PTPRN2: variants seen among roughly 807,000 people sequenced by gnomAD.
PTPRN2 encodes protein tyrosine phosphatase receptor type N2.
PTPRN2 carries 74 observed loss-of-function variants against 118.8 expected under a neutral mutation model. The ratio of observed to expected loss-of-function variants is 0.62; its 90% CI spans 0.52 to 0.76. The LOEUF (loss-of-function observed/expected upper bound fraction) is 0.76. Among genes scored for constraint, PTPRN2 ranks in the 30% least tolerant of loss-of-function variants. The pLI, the probability that PTPRN2 is intolerant of heterozygous loss-of-function variation, is 0.00. For synonymous variants in PTPRN2, 641 were observed against 608.0 expected (o/e 1.05, Z -0.80); for missense variants, 1,481 against 1,394.4 (o/e 1.06, Z -0.99).
chr7:158,579,757 G>A (rs528469990), intron 1 of PTPRN2, among the ~76,000 whole-genome samples: 5 of 152,250 alleles, frequency 3.3e-5, no homozygotes, highest in Admixed American at 1.3e-4. Flanking sequence ...CAGTGAAAAA[G>A]CCCCATTTCT....
At position 158,507,792 on chromosome 7, in the gene PTPRN2, G is replaced by A. The variant is rs192949959; in HGVS notation, c.113-18007C>T. Among the ~76,000 whole-genome samples, 1,497 of 151,552 alleles carry A rather than the reference G, an allele frequency of 9.9e-3. 20 individuals carry two copies. The highest frequency in any genetic ancestry group is 0.027 in the Middle Eastern group (8 of 292). Reference sequence around the variant, plus strand: ...CAGAGGTCAGTGAGGACCATCCAGGGAACAGCCTCTGCAACAGGCAGTGGA... The same window carrying A: ...CAGAGGTCAGTGAGGACCATCCAGGAAACAGCCTCTGCAACAGGCAGTGGA... On this transcript the variant is annotated intron_variant, in intron 1 of 22. Coordinates refer to ENST00000389418, the MANE Select transcript of PTPRN2 (RefSeq NM_002847.5).
intron 12 of PTPRN2, among the ~76,000 whole-genome samples, chr7:157,850,334 C>A (rs1397665244): frequency 6.9e-6 from 1 of 143,958 alleles, no homozygotes; most frequent in Non-Finnish European, 1.5e-5. Flanking sequence ...GACGTGGGTG[C>A]CTCAGGCTCG....
intron 3 of PTPRN2, among the ~76,000 whole-genome samples, chr7:158,267,088 C>T (rs1371461877): frequency 5.9e-5 from 9 of 152,252 alleles, no homozygotes; most frequent in Non-Finnish European, 4.4e-5. Context: ...CCCACACCCG[C>T]GGCAGGTCCC....
chr7:158,391,937 C>T (rs1027845427), intron 2 of PTPRN2, among the ~76,000 whole-genome samples: 1 of 152,224 alleles, frequency 6.6e-6, no homozygotes, highest in Non-Finnish European at 1.5e-5. Context: ...ACCTTTGAGA[C>T]AGGGAGCCCG....
At position 157,618,002 on chromosome 7, in the gene PTPRN2, C is replaced by A. The variant is rs895214243; in HGVS notation, c.2344+3360G>T. On this transcript the variant is annotated intron_variant, in intron 15 of 22. Transcript: ENST00000389418. The surrounding 1 kb of genome is among the most constrained non-coding windows in gnomAD (Gnocchi z 4.2). ...GCTGCATAATTCTTTTTTAAACATT[C>A]AAAAAACAGAAAATGCATGTTAAGT... The A allele has an allele frequency of 1.3e-5, 2 of 152,200 alleles. No individual in the cohort carries two copies. The highest frequency in any genetic ancestry group is 4.8e-5 in the African/African-American group (2 of 41,456). 9.4% of individuals were successfully genotyped at this position (152,200 alleles called of 1,614,324 possible). A position where few individuals can be genotyped will look rare whatever the true frequency, so the allele number is the denominator to read the frequency against.
chr7:158,153,436 T>C (rs531336163), intron 6 of PTPRN2, among the ~76,000 whole-genome samples: 4 of 152,240 alleles, frequency 2.6e-5, no homozygotes, highest in East Asian at 1.9e-4. Context: ...CTGTAACACA[T>C]GCCCACTGGG....
chr7:158,012,643 C>T (rs796928145), intron 11 of PTPRN2, among the ~76,000 whole-genome samples: 31 of 152,278 alleles, frequency 2.0e-4, no homozygotes, highest in East Asian at 9.7e-4. Context: ...GCAGGCAGGT[C>T]GGGGCTAATA....
Position 158,546,947 on chromosome 7 carries a change from C to T in PTPRN2, c.112+40611G>A, listed in dbSNP as rs927878733. Among the ~76,000 whole-genome samples, 1 of 152,088 alleles carries T rather than the reference C, an allele frequency of 6.6e-6. No individual in the cohort carries two copies. Among genetic ancestry groups the T allele is most frequent in the African/African-American group, 2.4e-5 (1 of 41,418 alleles). On this transcript the variant is annotated intron_variant, in intron 1 of 22. Transcript: ENST00000389418. The surrounding 1 kb of genome is among the most constrained non-coding windows in gnomAD (Gnocchi z 5.0). ...GGGACAGCCCAGCCATCTTCAGGGC[C>T]CCAGGTGAGGCCACAGCCAGCCCAT...
rs542231641 is a variant in PTPRN2 at position 158,215,150 on chromosome 7, A to T, written c.278-9877T>A. On this transcript the variant is annotated intron_variant, in intron 3 of 22. Transcript: ENST00000389418. ...CACTTGAAACAAATGAAAAAGTAGG[A>T]TGTCTCAGAAAATAGATGATGTAAA... is the stretch of plus-strand genomic sequence containing the variant. 4.6e-5 allele frequency among the ~76,000 whole-genome samples: 7 copies of T among 152,222 alleles called. No homozygotes were observed. In the East Asian group the frequency reaches 1.3e-3, roughly 29 times the overall value.
intron 1 of PTPRN2, among the ~76,000 whole-genome samples, chr7:158,490,011 A>T (rs1563352198): frequency 6.6e-6 from 1 of 152,112 alleles, no homozygotes; most frequent in Non-Finnish European, 1.5e-5. Context: ...CCCAGCTCTC[A>T]CCTGGACCAG....
intron 21 of PTPRN2, among the ~76,000 whole-genome samples, chr7:157,566,776 CA>C (rs1554493549): frequency 6.6e-6 from 1 of 152,234 alleles, no homozygotes; most frequent in Non-Finnish European, 1.5e-5. Flanking sequence ...GTCTCGAACC[CA>C]GGACATACTT....
At chr7:158,146,540 T>C in intron 6 of PTPRN2, among the ~76,000 whole-genome samples, 2 of 151,826 alleles carry the variant, frequency 1.3e-5, no homozygotes, top group East Asian at 3.9e-4. Context: ...ACTAACATGG[T>C]GAAACCCCAT....
At chr7:158,002,749 A>G (rs1319366088) in intron 11 of PTPRN2, among the ~76,000 whole-genome samples, 2 of 152,282 alleles carry the variant, frequency 1.3e-5, no homozygotes, top group African/African-American at 4.8e-5. Context: ...CAGCGAGAGA[A>G]ATGGACTTGC....
chr7:158,329,892 A>AC (rs897574581), intron 2 of PTPRN2, among the ~76,000 whole-genome samples: 2 of 152,098 alleles, frequency 1.3e-5, no homozygotes, highest in African/African-American at 4.8e-5. Flanking sequence ...AAATGCGGTC[A>AC]CCATAGCTAC....
rs573382032 is a variant in PTPRN2 at position 158,353,870 on chromosome 7, G to A, written c.164-36938C>T. Among the ~76,000 whole-genome samples the A allele has an allele frequency of 2.6e-5, 4 of 152,306 alleles. No homozygotes were observed. In the South Asian group the frequency reaches 8.3e-4, roughly 32 times the overall value. On this transcript the variant is annotated intron_variant, in intron 2 of 22. Coordinates refer to ENST00000389418, the MANE Select transcript of PTPRN2 (RefSeq NM_002847.5). ...ACCTCTCCCTGCCTCAACCCATGGGGAGCATCCTGAGTGCCTGAAGGGAGA... is the reference window on the plus strand; with the variant it reads ...ACCTCTCCCTGCCTCAACCCATGGGAAGCATCCTGAGTGCCTGAAGGGAGA...
intron 2 of PTPRN2, among the ~76,000 whole-genome samples, chr7:158,486,212 C>T (rs1401765711): frequency 1.3e-5 from 2 of 152,258 alleles, no homozygotes; most frequent in Non-Finnish European, 2.9e-5. Flanking sequence ...AACGTGCTGG[C>T]CAGTCAGCGT....
At chr7:157,865,276 G>C (rs1810571125) in intron 12 of PTPRN2, 1 of 152,282 alleles carries the variant, frequency 6.6e-6, no homozygotes, top group Admixed American at 6.5e-5. Flanking sequence ...CTGCACCAGG[G>C]GATGAACGAG....
At chr7:158,330,313 C>A (rs1347732530) in intron 2 of PTPRN2, among the ~76,000 whole-genome samples, 1 of 91,522 alleles carries the variant, frequency 1.1e-5, no homozygotes, top group African/African-American at 4.0e-5. Flanking sequence ...AGAGCTGACA[C>A]CCGCAGACGT....
intron 1 of PTPRN2, among the ~76,000 whole-genome samples, chr7:158,503,630 G>A (rs1006192752): frequency 1.3e-5 from 2 of 152,176 alleles, no homozygotes; most frequent in Non-Finnish European, 1.5e-5. Flanking sequence ...TCCTGGTTAC[G>A]AACAAAAAGT....
Sources: gnomAD v4.1 joint callset for allele counts (sites outside exome capture counted in the v4.1 genomes callset) on GRCh38, gnomAD v4.1.1 for gene constraint, Gnocchi (gnomAD v3.1) non-coding constraint, MANE v1.5 for transcripts, NCBI Gene and HGNC (gene_info 2026-07-23, HGNC 2026-07-21) for gene names.